HMCN2: variants seen among roughly 807,000 people sequenced by gnomAD.
The protein encoded by HMCN2 is hemicentin-2.
HMCN2 carries 325 observed loss-of-function variants against 377.5 expected under a neutral mutation model. The observed-to-expected ratio is 0.86, with a 90% CI of 0.79 to 0.94. The LOEUF (loss-of-function observed/expected upper bound fraction) is 0.94. Ranked by LOEUF, HMCN2 falls within the 40% of genes least tolerant of loss-of-function variation. The pLI is 0.00. For synonymous variants in HMCN2, 2,007 were observed against 2,046.8 expected (o/e 0.98, Z 0.53); for missense variants, 4,543 against 4,725.3 (o/e 0.96, Z 1.13).
chr9:130,390,961 C>A lies in HMCN2; in HGVS notation c.9524-16C>A. The A allele has an allele frequency of 1.0e-6, 1 of 986,322 alleles. No homozygotes were observed. Among genetic ancestry groups the A allele is most frequent in the Non-Finnish European group, 1.2e-6 (1 of 830,008 alleles). The allele number at this position is 986,322 out of a possible 1,614,324, so 61.1% of individuals were successfully genotyped here. A position where few individuals can be genotyped will look rare whatever the true frequency, so the allele number is the denominator to read the frequency against. On this transcript the variant is annotated splice_polypyrimidine_tract_variant and intron_variant, in intron 62 of 97. Transcript: ENST00000683500. Reference sequence around the variant, plus strand: ...AGAAGGGGCTGGGGGATTCAGGGGACCCCTCTGTCCCACAGAGAGCAGCGC... The same window carrying A: ...AGAAGGGGCTGGGGGATTCAGGGGAACCCTCTGTCCCACAGAGAGCAGCGC...
At chr9:130,326,695 T>C (rs1375891186) in intron 21 of HMCN2, among the ~76,000 whole-genome samples, 5 of 152,222 alleles carry the variant, frequency 3.3e-5, no homozygotes, top group Admixed American at 6.5e-5. Context: ...CTTCTTTCAT[T>C]GTTGCTGCTC....
chr9:130,315,916 C>T (rs2131385017), intron 15 of HMCN2, among the ~76,000 whole-genome samples: 1 of 152,272 alleles, frequency 6.6e-6, no homozygotes, highest in South Asian at 2.1e-4. Context: ...CTTACCCAAC[C>T]TCCATCACCT....
At chr9:130,409,509 C>T (rs150365798) in intron 84 of HMCN2, among the ~76,000 whole-genome samples, 120 of 152,312 alleles carry the variant, frequency 7.9e-4, no homozygotes, top group African/African-American at 2.7e-3. Context: ...TCTTAGGGGC[C>T]TTGATCTCAC....
At chr9:130,297,961 T>C (rs1382108216) in intron 7 of HMCN2, among the ~76,000 whole-genome samples, 1 of 152,146 alleles carries the variant, frequency 6.6e-6, no homozygotes, top group Non-Finnish European at 1.5e-5. Context: ...ATATCCAAGA[T>C]AATTTTTTTT....
chr9:130,417,190 G>A (rs1460901242), intron 85 of HMCN2, among the ~76,000 whole-genome samples: 4 of 151,954 alleles, frequency 2.6e-5, no homozygotes, highest in African/African-American at 9.7e-5. Context: ...TAGGGTTACA[G>A]GCATGAACCA....
intron 52 of HMCN2, among the ~76,000 whole-genome samples, chr9:130,377,403 C>T (rs568699742): frequency 6.6e-5 from 10 of 152,292 alleles, no homozygotes; most frequent in South Asian, 2.1e-4. Context: ...CTGGCCACTG[C>T]GCCCAGCCAT....
rs902678813 is a variant in HMCN2, at chr9:130,379,466, A to G, written c.8430A>G (p.Gln2810=). The change falls in exon 54 of 98, where the codon CAA becomes CAG. Residue 2810 remains glutamine, a splice_region_variant and synonymous_variant. Coordinates refer to ENST00000683500, the MANE Select transcript of HMCN2 (RefSeq NM_001291815.2). ...LSAGDEVSVL[Q]GGRVLQIPLV... Reference sequence around the variant, plus strand: ...CCGGGGATGAGGTGTCTGTGCTGCAAGGTGGGTCAGGGGTGCGTGAAGAAA... The same window carrying G: ...CCGGGGATGAGGTGTCTGTGCTGCAGGGTGGGTCAGGGGTGCGTGAAGAAA... The G allele has an allele frequency of 1.0e-6, 1 of 985,800 alleles. No individual in the cohort carries two copies. Among genetic ancestry groups the G allele is most frequent in the South Asian group, 4.7e-5 (1 of 21,272 alleles). 61.1% of individuals were successfully genotyped at this position (985,800 alleles called of 1,614,324 possible).
In HMCN2 at chr9:130,411,717, A is replaced by G. The variant is rs80112944; in HGVS notation, c.12961+1065A>G. ...GAAAAAGCCGGTCACAAAGAAACAA[A>G]CACTGTATGATTCTGTTTATATGAG... is the stretch of plus-strand genomic sequence containing the variant. On this transcript the variant is annotated intron_variant, in intron 85 of 97. Transcript: ENST00000683500. 5.1e-3 allele frequency among the ~76,000 whole-genome samples: 775 copies of G among 152,286 alleles called. 10 individuals carry two copies. The highest frequency in any genetic ancestry group is 0.017 in the Middle Eastern group (5 of 294).
intron 85 of HMCN2, among the ~76,000 whole-genome samples, chr9:130,415,882 C>T (rs1376013461): frequency 6.6e-6 from 1 of 152,166 alleles, no homozygotes; most frequent in Non-Finnish European, 1.5e-5. Context: ...CTTTTGGCTC[C>T]TACCAGTTTT....
intron 11 of HMCN2, among the ~76,000 whole-genome samples, chr9:130,305,670 C>T (rs1418179352): frequency 6.6e-6 from 1 of 152,154 alleles, no homozygotes. Context: ...TCTGGATGCG[C>T]GGGCCTGTGA....
At chr9:130,343,229 C>T (rs1295660053) in intron 25 of HMCN2, among the ~76,000 whole-genome samples, 1 of 152,206 alleles carries the variant, frequency 6.6e-6, no homozygotes, top group African/African-American at 2.4e-5. Context: ...GCGTTGGGCT[C>T]CTGCATGGCT....
chr9:130,423,631 T>C lies in HMCN2; in HGVS notation c.13381+905T>C, dbSNP rs900609652. On this transcript the variant is annotated intron_variant, in intron 87 of 97. Transcript: ENST00000683500. This position sits in a 1 kb window ranked among gnomAD's most constrained non-coding sequence, Gnocchi z 5.5. ...TGCACAGGGGCCTGGCCAGCTCCTGTGAACCTTGCAAAGCTGGCACCGTCC... is the reference window on the plus strand; with the variant it reads ...TGCACAGGGGCCTGGCCAGCTCCTGCGAACCTTGCAAAGCTGGCACCGTCC... 6.6e-6 allele frequency among the ~76,000 whole-genome samples: 1 copy of C among 152,194 alleles called. No homozygotes were observed. Among genetic ancestry groups the C allele is most frequent in the Non-Finnish European group, 1.5e-5 (1 of 68,028 alleles).
Position 130,369,498 on chromosome 9 carries a change from G to GC in HMCN2, c.6788-69dup, listed in dbSNP as rs1334643202. The GC allele has an allele frequency of 1.9e-5, 17 of 888,410 alleles. No individual in the cohort carries two copies. Among genetic ancestry groups the GC allele is most frequent in the Non-Finnish European group, 2.3e-5 (17 of 741,068 alleles). The allele number at this position is 888,410 out of a possible 1,614,324, so 55.0% of individuals were successfully genotyped here. A position where few individuals can be genotyped will look rare whatever the true frequency, so the allele number is the denominator to read the frequency against. ...AGGGGAGAGGGTGTGTCCCTATTGG[G>GC]CCCGGGGTAAGTGTGTGGTGCCTGG... On this transcript the variant is annotated intron_variant, in intron 44 of 97. Coordinates refer to ENST00000683500, the MANE Select transcript of HMCN2 (RefSeq NM_001291815.2). This position sits in a 1 kb window ranked among gnomAD's most constrained non-coding sequence, Gnocchi z 4.5.
At chr9:130,354,282 C>G (rs1157868965) in intron 31 of HMCN2, among the ~76,000 whole-genome samples, 4 of 152,150 alleles carry the variant, frequency 2.6e-5, no homozygotes, top group Non-Finnish European at 5.9e-5. Flanking sequence ...TAGTTAACAT[C>G]TGGTCCCCTT....
rs113045091 is a variant in HMCN2 at position 130,423,564 on chromosome 9, C to G, written c.13381+838C>G. The stretch of plus-strand genomic sequence containing the variant: ...CCAAGCCCGTGGACCAGGCTTTGTT[C>G]CATGAAACAGACGCACAGAGAGGCT... On this transcript the variant is annotated intron_variant, in intron 87 of 97. Transcript: ENST00000683500. This position sits in a 1 kb window ranked among gnomAD's most constrained non-coding sequence, Gnocchi z 5.5. Among the ~76,000 whole-genome samples the G allele has an allele frequency of 5.6e-3, 852 of 152,326 alleles. 11 individuals carry two copies. The highest frequency in any genetic ancestry group is 0.014 in the African/African-American group (569 of 41,566).
At chr9:130,284,044 T>G (rs1554926688) in intron 1 of HMCN2, among the ~76,000 whole-genome samples, 1 of 152,250 alleles carries the variant, frequency 6.6e-6, no homozygotes, top group East Asian at 1.9e-4. Flanking sequence ...TGAATGAAAG[T>G]TCCAGTTGCT....
chr9:130,329,072 G>A (rs1364197049), intron 22 of HMCN2, among the ~76,000 whole-genome samples: 1 of 152,148 alleles, frequency 6.6e-6, no homozygotes, highest in African/African-American at 2.4e-5. Context: ...TTCAGACTGT[G>A]CAGCCATCAC....
At chr9:130,412,954 A>G (rs1212013545) in intron 85 of HMCN2, among the ~76,000 whole-genome samples, 1 of 152,138 alleles carries the variant, frequency 6.6e-6, no homozygotes, top group Non-Finnish European at 1.5e-5. Flanking sequence ...GTGTGGGGTA[A>G]GGGTCTAACT....
Position 130,432,499 on chromosome 9 carries a change from C to T in HMCN2, c.14838C>T (p.Ser4946=), listed in dbSNP as rs1247618928. The T allele has an allele frequency of 1.3e-6, 2 of 1,550,566 alleles. No homozygotes were observed. The highest frequency in any genetic ancestry group is 1.7e-6 in the Non-Finnish European group (2 of 1,147,002). The change falls in exon 97 of 98, where the codon AGC becomes AGT. Residue 4946 remains serine, a synonymous_variant. Coordinates refer to ENST00000683500, the MANE Select transcript of HMCN2 (RefSeq NM_001291815.2). ...AGATGTGCTTCAACACCCGTGGCAGCTACCAGTGTGTGGACACACCCTGTC... is the reference window on the plus strand; with the variant it reads ...AGATGTGCTTCAACACCCGTGGCAGTTACCAGTGTGTGGACACACCCTGTC... ...PGQMCFNTRG[S]YQCVDTPCPA...
Sources: allele counts gnomAD v4.1 joint callset (sites outside exome capture counted in the v4.1 genomes callset), GRCh38; gene constraint gnomAD v4.1.1; non-coding constraint Gnocchi (gnomAD v3.1); transcripts MANE v1.5; gene names NCBI Gene and HGNC (gene_info 2026-07-23, HGNC 2026-07-21).